SEC23IP: variants seen among roughly 807,000 people sequenced by gnomAD.
SEC23IP encodes SEC23-interacting protein.
A neutral mutation model predicts 113.4 loss-of-function variants in SEC23IP; 70 were observed. That is an observed-to-expected ratio of 0.62 (90% CI 0.51 to 0.75). The LOEUF (loss-of-function observed/expected upper bound fraction) is 0.75, where lower values mean the gene tolerates loss of function less well. Ranked by LOEUF, SEC23IP falls within the 30% of genes least tolerant of loss-of-function variation. SEC23IP has a pLI of 0.00. For missense variants in SEC23IP, 1,160 were observed against 1,204.9 expected, an observed-to-expected ratio of 0.96 and a Z score of 0.55; for synonymous variants, 398 against 421.0, an observed-to-expected ratio of 0.95 and a Z score of 0.67.
intron 12 of SEC23IP, among the ~76,000 whole-genome samples, chr10:119,922,248 C>T (rs994865263): frequency 6.6e-6 from 1 of 152,014 alleles, no homozygotes; most frequent in Non-Finnish European, 1.5e-5. Context: ...GGGGTAAGGT[C>T]AGGGGAGATG....
intron 12 of SEC23IP, among the ~76,000 whole-genome samples, chr10:119,924,102 C>A (rs1207817325): frequency 6.6e-6 from 1 of 152,162 alleles, no homozygotes; most frequent in Non-Finnish European, 1.5e-5. Context: ...GATAACCAAG[C>A]CTTCTAAAAC....
chr10:119,914,650 G>C (rs1854986439), intron 6 of SEC23IP, 80 bp from the exon 7 acceptor site: 2 of 1,105,754 alleles, frequency 1.8e-6, no homozygotes, highest in East Asian at 2.3e-5. Flanking sequence ...GATGACGAAA[G>C]GGATATCTAG....
chr10:119,934,979 A>G (rs1474305250), intron 18 of SEC23IP, among the ~76,000 whole-genome samples: 1 of 152,182 alleles, frequency 6.6e-6, no homozygotes, highest in Non-Finnish European at 1.5e-5. Flanking sequence ...TGTACTAAAA[A>G]TACAAAAATT....
intron 8 of SEC23IP, among the ~76,000 whole-genome samples, 194 bp from the exon 9 acceptor site, chr10:119,917,642 G>A (rs1855096815): frequency 6.6e-6 from 1 of 152,098 alleles, no homozygotes; most frequent in Non-Finnish European, 1.5e-5. Flanking sequence ...GCCTCCCAAA[G>A]TGCTGGGATT....
intron 15 of SEC23IP, among the ~76,000 whole-genome samples, chr10:119,931,663 C>T (rs895026872): frequency 8.6e-5 from 13 of 151,950 alleles, no homozygotes; most frequent in African/African-American, 3.1e-4. Flanking sequence ...TGCCATTCTC[C>T]TGCCTCAGCC....
chr10:119,911,088 A>T (rs753256878), intron 5 of SEC23IP, among the ~76,000 whole-genome samples: 6 of 150,322 alleles, frequency 4.0e-5, no homozygotes, highest in Non-Finnish European at 7.4e-5. Context: ...GCTGAATTTA[A>T]TACAGTTGGT....
intron 3 of SEC23IP, 104 bp downstream of exon 3, chr10:119,903,113 T>C: frequency 1.1e-6 from 1 of 930,086 alleles, no homozygotes; most frequent in Non-Finnish European, 1.6e-6. Flanking sequence ...CCTTAATCCT[T>C]ATAGACCCCA....
chr10:119,904,965 C>T (rs1013216420), intron 4 of SEC23IP, among the ~76,000 whole-genome samples: 2 of 152,076 alleles, frequency 1.3e-5, no homozygotes, highest in Non-Finnish European at 2.9e-5. Flanking sequence ...GAAACCATGT[C>T]TCTACTAAAA....
At chr10:119,904,678 T>C (rs895739556) in intron 4 of SEC23IP, 2 of 158,978 alleles carry the variant, frequency 1.3e-5, no homozygotes, top group Admixed American at 1.2e-4. Flanking sequence ...TTGAGTCTTA[T>C]TAGCCATCTT....
At chr10:119,918,871 TCTCA>T (rs1258316235) in intron 10 of SEC23IP, among the ~76,000 whole-genome samples, 2 of 152,234 alleles carry the variant, frequency 1.3e-5, no homozygotes, top group Non-Finnish European at 2.9e-5. Context: ...TATTTGAGTT[TCTCA>T]CTCTTCTTCT....
Position 119,909,021 on chromosome 10 carries a change from T to C in SEC23IP, c.1102-20T>C. The C allele has an allele frequency of 6.6e-7, 1 of 1,520,788 alleles. No homozygotes were observed. Among genetic ancestry groups the C allele is most frequent in the Non-Finnish European group, 9.1e-7 (1 of 1,104,506 alleles). The allele number at this position is 1,520,788 out of a possible 1,614,324, so 94.2% of individuals were successfully genotyped here. On this transcript the variant is annotated intron_variant, in intron 4 of 18. Transcript: ENST00000369075. ...TATAAATTTGTCATGTTGGAATATATGTTGTTTCCCCCATTATAGGCTGAA... is the reference window on the plus strand; with the variant it reads ...TATAAATTTGTCATGTTGGAATATACGTTGTTTCCCCCATTATAGGCTGAA...
In SEC23IP at chr10:119,918,452, C is replaced by A. The variant is rs892972779; in HGVS notation, c.1813C>A (p.Pro605Thr). 1 of 1,613,640 alleles carries A rather than the reference C, an allele frequency of 6.2e-7. No individual in the cohort carries two copies. The highest frequency in any genetic ancestry group is 1.7e-5 in the Admixed American group (1 of 59,984). The change falls in exon 10 of 19, where the codon CCT becomes ACT. Residue 605 changes from proline (P) to threonine (T), a missense_variant. Physicochemically the swap from Pro to Thr is conservative, Grantham distance 38. Transcript: ENST00000369075. ...NQKDLNLSKC[P>T]GPLAVANGVV... ...AAAAGATTTGAATTTATCAAAGTGC[C>A]CTGGACCTCTTGCTGTTGCTAATGG...
Position 119,941,366 on chromosome 10 carries a change from G to GT in SEC23IP, c.*808dup, listed in dbSNP as rs371380405. On this transcript the variant is annotated 3_prime_UTR_variant, in exon 19 of 19. Coordinates refer to ENST00000369075, the MANE Select transcript of SEC23IP (RefSeq NM_007190.4). ...CAATAATGTGAAAACCAAAGTAGAG[G>GT]TTTTTTTCTTCTTCTTTTTGTTTTC... The GT allele has an allele frequency of 6.6e-6, 1 of 152,082 alleles. No individual in the cohort carries two copies. The highest frequency in any genetic ancestry group is 6.6e-5 in the Admixed American group (1 of 15,260). The allele number at this position is 152,082 out of a possible 1,614,324, so 9.4% of individuals were successfully genotyped here. A position where few individuals can be genotyped will look rare whatever the true frequency, so the allele number is the denominator to read the frequency against.
intron 2 of SEC23IP, among the ~76,000 whole-genome samples, chr10:119,900,787 A>T (rs1053791890): frequency 2.0e-5 from 3 of 152,116 alleles, no homozygotes; most frequent in African/African-American, 7.2e-5. Flanking sequence ...AAAAAATTTT[A>T]AAATAAGTCT....
At chr10:119,919,343 T>C (rs1481797466) in intron 10 of SEC23IP, 101 bp from the exon 11 acceptor site, 27 of 1,140,966 alleles carry the variant, frequency 2.4e-5, no homozygotes, top group African/African-American at 7.8e-5. Context: ...AATTATGATT[T>C]CTGTGTAAAG....
In SEC23IP at chr10:119,904,394, G is replaced by T. The variant is rs1589825810; in HGVS notation, c.1101+117G>T. ...TACTTACAAGACAGCTTGTTTTGAT[G>T]CTGTTCACAGAGAAGATTACTTTTT... On this transcript the variant is annotated intron_variant, in intron 4 of 18. Coordinates refer to ENST00000369075, the MANE Select transcript of SEC23IP (RefSeq NM_007190.4). 5 of 835,618 alleles carry T rather than the reference G, an allele frequency of 6.0e-6. No homozygotes were observed. In the South Asian group the frequency reaches 6.5e-5, roughly 11 times the overall value. The allele number at this position is 835,618 out of a possible 1,614,324, so 51.8% of individuals were successfully genotyped here.
rs1287173262 is a variant in SEC23IP at position 119,941,704 on chromosome 10, G to A, written c.*1139G>A. On this transcript the variant is annotated 3_prime_UTR_variant, in exon 19 of 19. Transcript: ENST00000369075. Reference sequence around the variant, plus strand: ...ATGTATTCTAATTAGTGTGAATAAAGCAGTAACATTAATGCATTTTTTAAG... The same window carrying A: ...ATGTATTCTAATTAGTGTGAATAAAACAGTAACATTAATGCATTTTTTAAG... 6.6e-6 allele frequency: 1 copy of A among 152,596 alleles called. No homozygotes were observed. Among genetic ancestry groups the A allele is most frequent in the Non-Finnish European group, 1.5e-5 (1 of 68,016 alleles). The allele number at this position is 152,596 out of a possible 1,614,324, so 9.5% of individuals were successfully genotyped here.
At chr10:119,893,917 G>A (rs1854187517) in intron 1 of SEC23IP, among the ~76,000 whole-genome samples, 1 of 151,960 alleles carries the variant, frequency 6.6e-6, no homozygotes, top group Non-Finnish European at 1.5e-5. Flanking sequence ...TTTCATATTT[G>A]TATTATTGTC....
chr10:119,907,768 T>C (rs1012151771), intron 4 of SEC23IP, among the ~76,000 whole-genome samples: 1 of 152,116 alleles, frequency 6.6e-6, no homozygotes, highest in African/African-American at 2.4e-5. Flanking sequence ...GTGGCCAATA[T>C]GGTGATACCT....
Sources: gnomAD v4.1 joint callset for allele counts (sites outside exome capture counted in the v4.1 genomes callset) on GRCh38, gnomAD v4.1.1 for gene constraint, MANE v1.5 for transcripts, NCBI Gene and HGNC (gene_info 2026-07-23, HGNC 2026-07-21) for gene names.